The following CSGALNACT1 variants were observed in gnomAD, a reference collection of about 807,000 sequenced individuals.
The protein encoded by CSGALNACT1 is chondroitin sulfate N-acetylgalactosaminyltransferase 1, also known as beta4GalNAcT-1.
In CSGALNACT1, 52 loss-of-function variants were observed where a neutral mutation model predicts 51.0. The observed-to-expected ratio is 1.02, with a 90% confidence interval of 0.82 to 1.29. CSGALNACT1 has a LOEUF of 1.29. Ranked by LOEUF, CSGALNACT1 falls within the 50% of genes most tolerant of loss-of-function variation. CSGALNACT1 has a pLI of 0.00. For missense variants in CSGALNACT1, 935 were observed against 679.2 expected (o/e 1.38, Z -4.19); for synonymous variants, 341 against 254.4 (o/e 1.34, Z -3.24).
chr8:19,488,833 C>G (rs1050436316), intron 4 of CSGALNACT1, among the ~76,000 whole-genome samples: 1 of 152,068 alleles, frequency 6.6e-6, no homozygotes, highest in Admixed American at 6.6e-5. Flanking sequence ...ATACCTGACA[C>G]AATCAGTTAA....
At chr8:19,443,826 C>G (rs1339356247) in intron 5 of CSGALNACT1, among the ~76,000 whole-genome samples, 2 of 152,086 alleles carry the variant, frequency 1.3e-5, no homozygotes, top group African/African-American at 4.8e-5. Context: ...TCAGCAGCCC[C>G]CAAATTTTGC....
chr8:19,596,799 A>G (rs6586849), intron 2 of CSGALNACT1, among the ~76,000 whole-genome samples: 104,231 of 152,136 alleles, frequency 0.69, 36,318 homozygotes, highest in East Asian at 0.84. Context: ...ATAAAAATAG[A>G]CACTTTGACT....
chr8:19,626,825 G>A (rs1202559088), intron 1 of CSGALNACT1, among the ~76,000 whole-genome samples: 1 of 152,066 alleles, frequency 6.6e-6, no homozygotes, highest in Non-Finnish European at 1.5e-5. Flanking sequence ...CTTAGCCAGA[G>A]GAAAACACAA....
At chr8:19,730,559 G>A (rs1005185134) in intron 1 of CSGALNACT1, among the ~76,000 whole-genome samples, 4 of 152,118 alleles carry the variant, frequency 2.6e-5, no homozygotes, top group Admixed American at 1.3e-4. Context: ...AGTATGTAAG[G>A]TGAACCCACC....
chr8:19,429,449 T>C (rs1004755627), intron 6 of CSGALNACT1, among the ~76,000 whole-genome samples: 1 of 100,728 alleles, frequency 9.9e-6, no homozygotes, highest in African/African-American at 4.1e-5. Context: ...AAGGCTGGGA[T>C]AACAGGCGTG....
At chr8:19,746,908 C>T (rs1018889658) in intron 1 of CSGALNACT1, among the ~76,000 whole-genome samples, 2 of 152,218 alleles carry the variant, frequency 1.3e-5, no homozygotes, top group Admixed American at 1.3e-4. Flanking sequence ...GTTTCACACA[C>T]TGGCATGTCA....
intron 5 of CSGALNACT1, among the ~76,000 whole-genome samples, chr8:19,447,207 C>T (rs1040558296): frequency 6.6e-6 from 1 of 152,172 alleles, no homozygotes; most frequent in African/African-American, 2.4e-5. Flanking sequence ...GCCTGGTAGT[C>T]AGCTCCCCAG....
intron 1 of CSGALNACT1, among the ~76,000 whole-genome samples, chr8:19,626,531 G>A (rs559610149): frequency 6.6e-6 from 1 of 152,228 alleles, no homozygotes; most frequent in Admixed American, 6.5e-5. Flanking sequence ...TTAGGGTTAG[G>A]CAAAGAAATC....
intron 6 of CSGALNACT1, among the ~76,000 whole-genome samples, chr8:19,427,947 G>C (rs541927051): frequency 6.6e-6 from 1 of 152,240 alleles, no homozygotes; most frequent in East Asian, 1.9e-4. Flanking sequence ...CCAGGTGAGG[G>C]AAGCAGTCTC....
intron 4 of CSGALNACT1, among the ~76,000 whole-genome samples, chr8:19,481,636 G>T (rs187966658): frequency 6.6e-6 from 1 of 152,162 alleles, no homozygotes; most frequent in African/African-American, 2.4e-5. Context: ...ACATCCTTAT[G>T]GTCAAAATTT....
chr8:19,720,563 T>A (rs1484154902), intron 1 of CSGALNACT1, among the ~76,000 whole-genome samples: 1 of 152,204 alleles, frequency 6.6e-6, no homozygotes, highest in Non-Finnish European at 1.5e-5. Context: ...ATGCATTACA[T>A]GTCTTGGGAG....
intron 1 of CSGALNACT1, among the ~76,000 whole-genome samples, chr8:19,644,436 G>A (rs993215711): frequency 3.3e-5 from 5 of 150,306 alleles, no homozygotes; most frequent in Non-Finnish European, 5.9e-5. Flanking sequence ...GGGGCGGGGT[G>A]CAGTGGCTCA....
chr8:19,755,008 G>A (rs939925625), intron 1 of CSGALNACT1, among the ~76,000 whole-genome samples: 4 of 152,160 alleles, frequency 2.6e-5, no homozygotes, highest in Non-Finnish European at 5.9e-5. Context: ...ATTAAAAGAA[G>A]GATGTGATCC....
intron 3 of CSGALNACT1, among the ~76,000 whole-genome samples, chr8:19,555,213 T>C (rs1451587096): frequency 1.3e-5 from 2 of 151,824 alleles, no homozygotes; most frequent in Non-Finnish European, 2.9e-5. Context: ...CACTCCAGCC[T>C]GGGTGACAGA....
At chr8:19,503,583 T>G (rs764370000) in intron 4 of CSGALNACT1, among the ~76,000 whole-genome samples, 5 of 152,060 alleles carry the variant, frequency 3.3e-5, no homozygotes, top group Non-Finnish European at 7.4e-5. Context: ...TTTTTTTTAA[T>G]GATGTTTAAT....
At chr8:19,439,611 C>T (rs888344047) in intron 6 of CSGALNACT1, among the ~76,000 whole-genome samples, 4 of 152,244 alleles carry the variant, frequency 2.6e-5, no homozygotes, top group Non-Finnish European at 5.9e-5. Flanking sequence ...TCTCCAATGT[C>T]AAAGTCATCA....
intron 3 of CSGALNACT1, among the ~76,000 whole-genome samples, chr8:19,541,300 G>C (rs1265451440): frequency 6.8e-6 from 1 of 147,284 alleles, no homozygotes; most frequent in Non-Finnish European, 1.5e-5. Flanking sequence ...ACCTAGGCTG[G>C]AGTGCACTGG....
At chr8:19,660,534 C>T (rs1407616969) in intron 1 of CSGALNACT1, among the ~76,000 whole-genome samples, 4 of 152,076 alleles carry the variant, frequency 2.6e-5, no homozygotes, top group Non-Finnish European at 5.9e-5. Context: ...TTGCCGTAGC[C>T]AGGTGATTTG....
chr8:19,683,630 T>G (rs1338467866), upstream of CSGALNACT1, among the ~76,000 whole-genome samples: 2 of 151,998 alleles, frequency 1.3e-5, no homozygotes, highest in Non-Finnish European at 2.9e-5. Flanking sequence ...GAAAGGAAAA[T>G]GGAATAGACA....
Sources: gnomAD v4.1 joint callset for allele counts (sites outside exome capture counted in the v4.1 genomes callset) on GRCh38, gnomAD v4.1.1 for gene constraint, MANE v1.5 for transcripts, NCBI Gene and HGNC (gene_info 2026-07-23, HGNC 2026-07-21) for gene names.